The following OSBPL6 variants were observed in gnomAD, a reference collection of about 807,000 sequenced individuals.
OSBPL6 encodes the protein oxysterol-binding protein-related protein 6.
OSBPL6 carries 49 observed loss-of-function variants against 125.8 expected under a neutral mutation model. The ratio of observed to expected loss-of-function variants is 0.39; its 90% CI spans 0.31 to 0.49. The LOEUF (loss-of-function observed/expected upper bound fraction) is 0.49, where lower values mean the gene tolerates loss of function less well. OSBPL6 is among the 20% of genes least tolerant of loss of function. The probability of loss-of-function intolerance (pLI) is 0.88; values close to 1 mark genes in which losing one functional copy is unlikely to be tolerated. For missense variants in OSBPL6, 986 were observed against 1,135.4 expected, an observed-to-expected ratio of 0.87 and a Z score of 1.89; for synonymous variants, 394 against 391.8, an observed-to-expected ratio of 1.01 and a Z score of -0.07.
intron 2 of OSBPL6, among the ~76,000 whole-genome samples, chr2:178,302,013 C>G (rs1686339963): frequency 6.6e-6 from 1 of 152,176 alleles, no homozygotes; most frequent in South Asian, 2.1e-4. Flanking sequence ...CTCATTGCAA[C>G]TTAGCCCAGG....
At chr2:178,348,624 C>A (rs1428998184) in intron 11 of OSBPL6, among the ~76,000 whole-genome samples, 1 of 152,146 alleles carries the variant, frequency 6.6e-6, no homozygotes, top group Non-Finnish European at 1.5e-5. Context: ...GTGTAACATA[C>A]AAAGGTAAAC....
At chr2:178,326,109 A>AT (rs1688674433) in intron 4 of OSBPL6, among the ~76,000 whole-genome samples, 1 of 110,330 alleles carries the variant, frequency 9.1e-6, no homozygotes, top group African/African-American at 3.0e-5. Context: ...GTGGTGGAAG[A>AT]ATTTTTTTTT....
chr2:178,379,633 C>G (rs1694279054), intron 15 of OSBPL6, among the ~76,000 whole-genome samples: 1 of 152,170 alleles, frequency 6.6e-6, no homozygotes, highest in African/African-American at 2.4e-5. Context: ...TCTCCTCAAA[C>G]ATAATTGTGT....
rs546968720 is a variant in OSBPL6, at chr2:178,297,295, T to G, written c.-155-8735T>G. On this transcript the variant is annotated intron_variant, in intron 2 of 24. Coordinates refer to ENST00000190611, the MANE Select transcript of OSBPL6 (RefSeq NM_032523.4). ...TTATTTTGGGTTATCTTTAGGCAAATATAGTAAAATTAAAGAACTAGGCTG... is the reference window on the plus strand; with the variant it reads ...TTATTTTGGGTTATCTTTAGGCAAAGATAGTAAAATTAAAGAACTAGGCTG... 9.2e-5 allele frequency among the ~76,000 whole-genome samples: 14 copies of G among 152,204 alleles called. No individual in the cohort carries two copies. In the South Asian group the frequency reaches 2.7e-3, roughly 29 times the overall value.
chr2:178,198,950 T>C (rs150300580), intron 1 of OSBPL6, among the ~76,000 whole-genome samples: 3 of 152,246 alleles, frequency 2.0e-5, no homozygotes, highest in African/African-American at 7.2e-5. Flanking sequence ...AACATTTCTT[T>C]CAAATTCATC....
At chr2:178,256,440 A>G (rs1012642753) in intron 1 of OSBPL6, among the ~76,000 whole-genome samples, 10 of 152,154 alleles carry the variant, frequency 6.6e-5, no homozygotes, top group Admixed American at 2.6e-4. Context: ...AGTCAGTTTC[A>G]AGCATGCTTT....
chr2:178,308,231 G>A (rs994408452), intron 3 of OSBPL6, among the ~76,000 whole-genome samples: 1 of 152,204 alleles, frequency 6.6e-6, no homozygotes, highest in African/African-American at 2.4e-5. Context: ...ATCAATTACA[G>A]TTCTGTTTTT....
intron 1 of OSBPL6, among the ~76,000 whole-genome samples, chr2:178,220,968 AC>A (rs905957958): frequency 6.6e-6 from 1 of 151,864 alleles, no homozygotes; most frequent in Non-Finnish European, 1.5e-5. Flanking sequence ...CTCTTGGGAG[AC>A]CCAGGCTGTG....
Position 178,383,160 on chromosome 2 carries a change from C to T in OSBPL6, c.1758C>T (p.Val586=). 6.2e-7 allele frequency: 1 copy of T among 1,614,194 alleles called. No homozygotes were observed. Among genetic ancestry groups the T allele is most frequent in the Non-Finnish European group, 8.5e-7 (1 of 1,180,044 alleles). ...ACATTGGTAAAGACCTGTCTAAAGT[C>T]TCTATGCCTGTGGAGCTAAACGAGC... The part of the protein sequence containing the change: ...RNNIGKDLSK[V]SMPVELNEPL... The change falls in exon 17 of 25, where the codon GTC becomes GTT. Residue 586 remains valine (V), a synonymous_variant. Coordinates refer to ENST00000190611, the MANE Select transcript of OSBPL6 (RefSeq NM_032523.4).
chr2:178,205,925 A>C (rs1213091779), intron 1 of OSBPL6, among the ~76,000 whole-genome samples: 1 of 152,324 alleles, frequency 6.6e-6, no homozygotes, highest in East Asian at 1.9e-4. Flanking sequence ...GAAAATATCA[A>C]AGGGTGGGCA....
chr2:178,271,816 T>C (rs1033432947), intron 1 of OSBPL6, among the ~76,000 whole-genome samples: 1 of 152,178 alleles, frequency 6.6e-6, no homozygotes. Context: ...ATCCAATAGA[T>C]ACTAGAAATG....
At chr2:178,287,649 T>C (rs1199522347) in intron 2 of OSBPL6, among the ~76,000 whole-genome samples, 1 of 152,180 alleles carries the variant, frequency 6.6e-6, no homozygotes, top group Non-Finnish European at 1.5e-5. Context: ...GATTGATATC[T>C]CATTTTCTAC....
At chr2:178,297,462 A>T (rs1160949449) in intron 2 of OSBPL6, among the ~76,000 whole-genome samples, 4 of 152,196 alleles carry the variant, frequency 2.6e-5, no homozygotes, top group Non-Finnish European at 1.5e-5. Context: ...AAGAACTAAT[A>T]TTAGGGTGGA....
chr2:178,271,567 C>T (rs1215447648), intron 1 of OSBPL6, among the ~76,000 whole-genome samples: 1 of 152,094 alleles, frequency 6.6e-6, no homozygotes, highest in Non-Finnish European at 1.5e-5. Flanking sequence ...TTATGCAAAC[C>T]TTAGACTTAT....
intron 1 of OSBPL6, among the ~76,000 whole-genome samples, chr2:178,208,556 C>A (rs897929788): frequency 5.3e-5 from 8 of 151,934 alleles, no homozygotes; most frequent in Non-Finnish European, 1.2e-4. Flanking sequence ...TCAACACACA[C>A]CTCTCTCCTG....
intron 1 of OSBPL6, among the ~76,000 whole-genome samples, chr2:178,228,490 G>C (rs1366663170): frequency 6.6e-6 from 1 of 152,204 alleles, no homozygotes; most frequent in African/African-American, 2.4e-5. Flanking sequence ...AGCCAAGATT[G>C]TGCCACTGCA....
rs1047650552 is a variant in OSBPL6, at chr2:178,401,612, G to A, written c.*6053G>A. On this transcript the variant is annotated 3_prime_UTR_variant, in exon 25 of 25. Transcript: ENST00000190611. Reference sequence around the variant, plus strand: ...GGCAAGAATGAATACAAGAGAAATGGAATCTGGGGAAAAAAGTAGGTTCTC... The same window carrying A: ...GGCAAGAATGAATACAAGAGAAATGAAATCTGGGGAAAAAAGTAGGTTCTC... The A allele has an allele frequency of 2.0e-5, 3 of 152,152 alleles. No homozygotes were observed. The highest frequency in any genetic ancestry group is 2.9e-5 in the Non-Finnish European group (2 of 68,020). The allele number at this position is 152,152 out of a possible 1,614,324, so 9.4% of individuals were successfully genotyped here.
intron 3 of OSBPL6, among the ~76,000 whole-genome samples, chr2:178,319,648 C>T (rs1688064204): frequency 6.6e-6 from 1 of 152,082 alleles, no homozygotes; most frequent in Non-Finnish European, 1.5e-5. Context: ...TCATGTAAAG[C>T]ATAGAGATAG....
At chr2:178,245,563 T>C (rs2091458467) in intron 1 of OSBPL6, among the ~76,000 whole-genome samples, 1 of 152,200 alleles carries the variant, frequency 6.6e-6, no homozygotes, top group South Asian at 2.1e-4. Flanking sequence ...AGACCCAGTG[T>C]GGGATGCACC....
Sources: gnomAD v4.1 joint callset for allele counts (sites outside exome capture counted in the v4.1 genomes callset) on GRCh38, gnomAD v4.1.1 for gene constraint, MANE v1.5 for transcripts, NCBI Gene and HGNC (gene_info 2026-07-23, HGNC 2026-07-21) for gene names.